HMBOX1: variants seen among roughly 807,000 people sequenced by gnomAD.
HMBOX1 encodes the protein homeobox-containing protein 1.
A neutral mutation model predicts 54.5 loss-of-function variants in HMBOX1; 14 were observed. That is an observed-to-expected ratio of 0.26 (90% CI 0.17 to 0.40). The LOEUF (loss-of-function observed/expected upper bound fraction) is 0.40. Ranked by LOEUF, HMBOX1 falls within the 10% of genes least tolerant of loss-of-function variation. The probability of loss-of-function intolerance (pLI) is 1.00; values close to 1 mark genes in which losing one functional copy is unlikely to be tolerated. For synonymous variants in HMBOX1, 160 were observed against 181.0 expected, an observed-to-expected ratio of 0.88 and a Z score of 0.93; for missense variants, 332 against 514.4, an observed-to-expected ratio of 0.65 and a Z score of 3.43.
Position 29,018,839 on chromosome 8 carries a change from C to T in HMBOX1, c.777C>T (p.Ala259=), listed in dbSNP as rs748666081. ...EWRQTPPPVS[A]TSGTFRLRRG... ...GACAAACGCCTCCCCCAGTCTCTGC[C>T]ACATCTGGTACTTTCCGACTGCGAC... Residue 259 remains alanine, a synonymous_variant, in exon 6 of 10, where the codon GCC becomes GCT. Coordinates refer to ENST00000287701, the MANE Select transcript of HMBOX1 (RefSeq NM_001135726.3). 6.2e-7 allele frequency: 1 copy of T among 1,614,118 alleles called. No individual in the cohort carries two copies. Among genetic ancestry groups the T allele is most frequent in the Non-Finnish European group, 8.5e-7 (1 of 1,179,950 alleles).
At chr8:28,945,992 A>T (rs568093708) in intron 1 of HMBOX1, among the ~76,000 whole-genome samples, 85 of 140,154 alleles carry the variant, frequency 6.1e-4, no homozygotes, top group African/African-American at 2.1e-3. Context: ...TTGCTCTGTC[A>T]CCCAGGCTGG....
At chr8:29,038,429 A>C (rs1804266512) in intron 6 of HMBOX1, among the ~76,000 whole-genome samples, 2 of 152,132 alleles carry the variant, frequency 1.3e-5, no homozygotes, top group Non-Finnish European at 2.9e-5. Context: ...TTTGTCTTAG[A>C]AAATGTTTAG....
chr8:29,044,072 T>G (rs894428946), intron 6 of HMBOX1, among the ~76,000 whole-genome samples: 2 of 151,954 alleles, frequency 1.3e-5, no homozygotes, highest in African/African-American at 4.8e-5. Context: ...GTTAAATAAA[T>G]AAATAACTGG....
At chr8:29,040,291 C>G (rs2133292975) in intron 6 of HMBOX1, among the ~76,000 whole-genome samples, 1 of 152,238 alleles carries the variant, frequency 6.6e-6, no homozygotes, top group East Asian at 1.9e-4. Flanking sequence ...AAGTACAATG[C>G]CTTATGCATA....
At chr8:29,021,818 C>T (rs906846978) in intron 6 of HMBOX1, among the ~76,000 whole-genome samples, 21 of 150,410 alleles carry the variant, frequency 1.4e-4, no homozygotes, top group African/African-American at 4.4e-4. Context: ...CGAGATCGTG[C>T]CACTGCACTC....
chr8:28,980,366 A>G (rs1829138828), intron 4 of HMBOX1, among the ~76,000 whole-genome samples: 2 of 152,326 alleles, frequency 1.3e-5, no homozygotes. Context: ...ATTTTATAGC[A>G]TTTTTAATAA....
At chr8:28,916,285 C>A (rs1816525385) in intron 1 of HMBOX1, among the ~76,000 whole-genome samples, 1 of 152,190 alleles carries the variant, frequency 6.6e-6, no homozygotes, top group African/African-American at 2.4e-5. Context: ...TTCTGATCAT[C>A]CATGATTCCT....
intron 1 of HMBOX1, among the ~76,000 whole-genome samples, chr8:28,902,462 A>G (rs1441973028): frequency 6.6e-6 from 1 of 152,090 alleles, no homozygotes; most frequent in East Asian, 1.9e-4. Flanking sequence ...AGAGGACCCA[A>G]CCGTGAGGCA....
intron 1 of HMBOX1, among the ~76,000 whole-genome samples, chr8:28,904,054 A>G (rs529008823): frequency 6.6e-6 from 1 of 152,294 alleles, no homozygotes; most frequent in East Asian, 1.9e-4. Context: ...TGGGATTGAG[A>G]AACTCTGATC....
At chr8:29,020,428 G>T (rs182307741) in intron 6 of HMBOX1, among the ~76,000 whole-genome samples, 14 of 152,222 alleles carry the variant, frequency 9.2e-5, no homozygotes, top group Admixed American at 6.5e-4. Context: ...GAACCTCAGA[G>T]ACTTAGGGAT....
chr8:28,899,351 G>A (rs548353499), intron 1 of HMBOX1, among the ~76,000 whole-genome samples: 20 of 152,216 alleles, frequency 1.3e-4, no homozygotes, highest in African/African-American at 4.3e-4. Flanking sequence ...ACATTCTTTT[G>A]TCCCATCATT....
chr8:28,971,440 G>C (rs1468810085), intron 3 of HMBOX1, among the ~76,000 whole-genome samples: 2 of 152,134 alleles, frequency 1.3e-5, no homozygotes, highest in Non-Finnish European at 2.9e-5. Context: ...CTTCACACTG[G>C]ACCCTGGGAC....
chr8:28,925,748 A>C (rs1234109695), intron 1 of HMBOX1, among the ~76,000 whole-genome samples: 2 of 152,094 alleles, frequency 1.3e-5, no homozygotes, highest in African/African-American at 2.4e-5. Context: ...ATTTCAAGAA[A>C]TCTTTTTATT....
At chr8:28,988,480 A>G (rs1424497191) in intron 4 of HMBOX1, among the ~76,000 whole-genome samples, 2 of 152,142 alleles carry the variant, frequency 1.3e-5, no homozygotes, top group Non-Finnish European at 2.9e-5. Flanking sequence ...TGGTAAATAT[A>G]CGTTTAACTT....
intron 6 of HMBOX1, among the ~76,000 whole-genome samples, chr8:29,021,154 G>A (rs1329696773): frequency 5.3e-5 from 8 of 152,078 alleles, no homozygotes; most frequent in South Asian, 4.1e-4. Flanking sequence ...CAACCTGGGC[G>A]ACATAGTAAG....
At chr8:29,038,107 C>A (rs1018117674) in intron 6 of HMBOX1, among the ~76,000 whole-genome samples, 4 of 152,184 alleles carry the variant, frequency 2.6e-5, no homozygotes, top group Admixed American at 2.6e-4. Context: ...TATATGTTCA[C>A]GCAGACACAA....
intron 3 of HMBOX1, among the ~76,000 whole-genome samples, chr8:28,975,509 G>A (rs764903786): frequency 6.6e-6 from 1 of 152,130 alleles, no homozygotes; most frequent in Non-Finnish European, 1.5e-5. Flanking sequence ...TAAAAATAAT[G>A]GCAATGGAGG....
chr8:28,890,321 C>G (rs764291810), upstream of HMBOX1: 8 of 172,618 alleles, frequency 4.6e-5, no homozygotes, highest in Non-Finnish European at 8.9e-5. Context: ...GCGCCGGGCT[C>G]CGCAATTTTT....
intron 3 of HMBOX1, among the ~76,000 whole-genome samples, chr8:28,974,372 G>A (rs1422907959): frequency 6.6e-6 from 1 of 151,990 alleles, no homozygotes; most frequent in East Asian, 1.9e-4. Flanking sequence ...ATGTGTAGGG[G>A]TATGTGTGTA....
Sources: allele counts gnomAD v4.1 joint callset (sites outside exome capture counted in the v4.1 genomes callset), GRCh38; gene constraint gnomAD v4.1.1; transcripts MANE v1.5; gene names NCBI Gene and HGNC (gene_info 2026-07-23, HGNC 2026-07-21).